VWC2: variants seen among roughly 807,000 people sequenced by gnomAD.
VWC2 encodes von Willebrand factor C domain containing 2.
In VWC2, 14 loss-of-function variants were observed where a neutral mutation model predicts 29.8. That is an observed-to-expected ratio of 0.47 (90% CI 0.31 to 0.74). The LOEUF is 0.74. Among genes scored for constraint, VWC2 ranks in the 30% least tolerant of loss-of-function variants. VWC2 has a pLI of 0.05. For missense variants in VWC2, 457 were observed against 459.8 expected (o/e 0.99, Z 0.05); for synonymous variants, 213 against 199.0 (o/e 1.07, Z -0.59).
Position 49,793,374 on chromosome 7 carries a change from C to A in VWC2, c.697-9337C>A, listed in dbSNP as rs539991206. Reference sequence around the variant, plus strand: ...TGAAATTGAAGTGTACAGATAGAAACAAACCTGCCCTCTCATTCATCCCAT... The same window carrying A: ...TGAAATTGAAGTGTACAGATAGAAAAAAACCTGCCCTCTCATTCATCCCAT... On this transcript the variant is annotated intron_variant, in intron 2 of 3. Transcript: ENST00000340652. Among the ~76,000 whole-genome samples the A allele has an allele frequency of 1.8e-4, 27 of 151,358 alleles. 1 individual carries two copies. Among genetic ancestry groups the A allele is most frequent in the African/African-American group, 6.6e-4 (27 of 41,164 alleles).
chr7:49,861,721 G>C (rs559659673), intron 3 of VWC2, among the ~76,000 whole-genome samples: 3 of 152,174 alleles, frequency 2.0e-5, no homozygotes, highest in Admixed American at 2.0e-4. Context: ...TGGCTTTCTA[G>C]TTGTCCCAGC....
intron 2 of VWC2, among the ~76,000 whole-genome samples, chr7:49,795,742 C>T (rs762377671): frequency 1.3e-5 from 2 of 152,140 alleles, no homozygotes; most frequent in East Asian, 3.8e-4. Context: ...CCAACCATTT[C>T]TTTCTTGACT....
At chr7:49,873,985 A>G (rs1192794906) in intron 3 of VWC2, among the ~76,000 whole-genome samples, 2 of 152,106 alleles carry the variant, frequency 1.3e-5, no homozygotes, top group African/African-American at 2.4e-5. Context: ...AAGAAAACCA[A>G]TGCATTATAT....
intron 3 of VWC2, among the ~76,000 whole-genome samples, chr7:49,839,130 G>T (rs1394525215): frequency 6.6e-6 from 1 of 152,104 alleles, no homozygotes; most frequent in African/African-American, 2.4e-5. Flanking sequence ...TGTAAGCCAG[G>T]ACAAGAGCCC....
At chr7:49,789,951 G>C (rs10280501) in intron 2 of VWC2, among the ~76,000 whole-genome samples, 55,906 of 152,208 alleles carry the variant, frequency 0.37, 10,519 homozygotes, top group Middle Eastern at 0.48. Flanking sequence ...AGAGGCGGGG[G>C]TGCAGGCCGC....
At chr7:49,892,854 A>C (rs1369061750) in intron 3 of VWC2, among the ~76,000 whole-genome samples, 1 of 152,256 alleles carries the variant, frequency 6.6e-6, no homozygotes, top group Non-Finnish European at 1.5e-5. Flanking sequence ...TCTATGGTCA[A>C]GTGAATTTAG....
chr7:49,906,650 T>G (rs1793111623), intron 3 of VWC2, among the ~76,000 whole-genome samples: 1 of 152,228 alleles, frequency 6.6e-6, no homozygotes, highest in Non-Finnish European at 1.5e-5. Flanking sequence ...GTCAAAAATT[T>G]AATAAATCAT....
At chr7:49,823,260 A>T (rs764869319) in intron 3 of VWC2, among the ~76,000 whole-genome samples, 1 of 152,180 alleles carries the variant, frequency 6.6e-6, no homozygotes, top group Non-Finnish European at 1.5e-5. Context: ...GAATGAGAAG[A>T]GGCTGCCACT....
At chr7:49,835,362 A>T (rs1789632589) in intron 3 of VWC2, among the ~76,000 whole-genome samples, 1 of 152,186 alleles carries the variant, frequency 6.6e-6, no homozygotes, top group Non-Finnish European at 1.5e-5. Context: ...CTTTCTCAGT[A>T]TTTAAGCTAG....
chr7:49,792,948 C>T (rs1788498542), intron 2 of VWC2, among the ~76,000 whole-genome samples: 1 of 152,220 alleles, frequency 6.6e-6, no homozygotes, highest in African/African-American at 2.4e-5. Flanking sequence ...TCATGGCCTA[C>T]CTGGGTCTCT....
At chr7:49,805,489 T>G (rs946113737) in intron 3 of VWC2, among the ~76,000 whole-genome samples, 1 of 152,226 alleles carries the variant, frequency 6.6e-6, no homozygotes, top group Admixed American at 6.5e-5. Flanking sequence ...ATTCACCAGA[T>G]AGAGCTTGGC....
intron 3 of VWC2, among the ~76,000 whole-genome samples, chr7:49,845,839 T>C (rs1163850670): frequency 2.0e-5 from 3 of 152,144 alleles, no homozygotes; most frequent in Non-Finnish European, 4.4e-5. Context: ...CAAACAGCAA[T>C]GCAGGAAGGA....
intron 3 of VWC2, among the ~76,000 whole-genome samples, chr7:49,844,849 C>G (rs572042907): frequency 2.0e-4 from 31 of 152,222 alleles, no homozygotes; most frequent in East Asian, 1.4e-3. Flanking sequence ...CCCGCCACTA[C>G]GTCCAACTAA....
At chr7:49,904,971 T>C (rs1379495666) in intron 3 of VWC2, among the ~76,000 whole-genome samples, 4 of 151,992 alleles carry the variant, frequency 2.6e-5, no homozygotes, top group African/African-American at 9.7e-5. Flanking sequence ...CCTGACCTCA[T>C]AATCTACCCA....
chr7:49,890,446 CT>C (rs980067930), intron 3 of VWC2, among the ~76,000 whole-genome samples: 10 of 152,246 alleles, frequency 6.6e-5, no homozygotes, highest in Admixed American at 3.9e-4. Context: ...TGCTGTTTGA[CT>C]TTTTACAGAC....
intron 3 of VWC2, among the ~76,000 whole-genome samples, chr7:49,873,179 C>T (rs911218568): frequency 5.9e-5 from 9 of 152,050 alleles, no homozygotes; most frequent in Non-Finnish European, 8.8e-5. Context: ...TTGGTCTGTT[C>T]GGGCTGCTAT....
At chr7:49,895,156 G>A (rs1472571632) in intron 3 of VWC2, among the ~76,000 whole-genome samples, 1 of 152,174 alleles carries the variant, frequency 6.6e-6, no homozygotes, top group Non-Finnish European at 1.5e-5. Flanking sequence ...TTTGGAGAGG[G>A]CCTGTTCAAT....
intron 3 of VWC2, among the ~76,000 whole-genome samples, chr7:49,806,249 G>A (rs933689749): frequency 4.6e-5 from 7 of 152,276 alleles, no homozygotes; most frequent in Middle Eastern, 3.4e-3. Context: ...TCCCATTAGC[G>A]ATCAGAAGAC....
intron 3 of VWC2, among the ~76,000 whole-genome samples, chr7:49,831,942 T>G (rs1180179520): frequency 6.6e-6 from 1 of 152,172 alleles, no homozygotes; most frequent in Non-Finnish European, 1.5e-5. Context: ...GGAATTGAGA[T>G]GAAAAAGTAG....
Sources: allele counts gnomAD v4.1 joint callset (sites outside exome capture counted in the v4.1 genomes callset), GRCh38; gene constraint gnomAD v4.1.1; transcripts MANE v1.5; gene names NCBI Gene and HGNC (gene_info 2026-07-23, HGNC 2026-07-21).